The following MTAP variants were observed in gnomAD, a reference collection of about 807,000 sequenced individuals.
MTAP encodes the protein S-methyl-5'-thioadenosine phosphorylase.
A neutral mutation model predicts 33.6 loss-of-function variants in MTAP; 33 were observed. The ratio of observed to expected loss-of-function variants is 0.98; its 90% CI spans 0.74 to 1.31. The LOEUF is 1.31. MTAP is among the 40% of genes most tolerant of loss of function. The pLI, the probability that MTAP is intolerant of heterozygous loss-of-function variation, is 0.00. For synonymous variants in MTAP, 148 were observed against 125.7 expected (o/e 1.18, Z -1.19); for missense variants, 367 against 360.0 (o/e 1.02, Z -0.16).
intron 5 of MTAP, among the ~76,000 whole-genome samples, chr9:21,849,438 G>T (rs763889605): frequency 6.6e-6 from 1 of 152,144 alleles, no homozygotes; most frequent in African/African-American, 2.4e-5. Flanking sequence ...CAGGTCTGAC[G>T]TGCAGTGGGT....
At chr9:21,900,463 G>T (rs1288380248) in intron 1 of MTAP, among the ~76,000 whole-genome samples, 1 of 152,120 alleles carries the variant, frequency 6.6e-6, no homozygotes, top group Non-Finnish European at 1.5e-5. Flanking sequence ...AAGCCACAAT[G>T]AAATACCATA....
At chr9:21,804,617 C>T (rs974984670) in intron 1 of MTAP, among the ~76,000 whole-genome samples, 4 of 152,160 alleles carry the variant, frequency 2.6e-5, no homozygotes, top group African/African-American at 7.2e-5. Context: ...CCGTATTCCC[C>T]AGACTTCTAA....
chr9:21,877,618 T>C (rs1219950643), intron 1 of MTAP, among the ~76,000 whole-genome samples: 1 of 152,214 alleles, frequency 6.6e-6, no homozygotes, highest in African/African-American at 2.4e-5. Context: ...GAAGTAATAG[T>C]GTGGGTTTTA....
chr9:21,871,572 C>T (rs1332312837), downstream of MTAP, among the ~76,000 whole-genome samples: 1 of 152,138 alleles, frequency 6.6e-6, no homozygotes, highest in African/African-American at 2.4e-5. Flanking sequence ...TCGGACATTA[C>T]CTTTCATATA....
chr9:21,923,039 C>A (rs371811216), intron 1 of MTAP, among the ~76,000 whole-genome samples: 2 of 152,212 alleles, frequency 1.3e-5, no homozygotes, highest in African/African-American at 4.8e-5. Context: ...CACTGTCTAC[C>A]TCAGGGGCAA....
At chr9:21,891,892 T>C (rs1466395873) in intron 1 of MTAP, among the ~76,000 whole-genome samples, 1 of 152,128 alleles carries the variant, frequency 6.6e-6, no homozygotes, top group Non-Finnish European at 1.5e-5. Context: ...GGAAGGTCAC[T>C]GACAAAGGGA....
chr9:21,876,184 C>T (rs1826005602), intron 1 of MTAP, among the ~76,000 whole-genome samples: 1 of 151,828 alleles, frequency 6.6e-6, no homozygotes, highest in African/African-American at 2.4e-5. Flanking sequence ...TAGAAAAGTG[C>T]CTGTTCATAT....
At chr9:21,844,726 A>G (rs1041793653) in intron 5 of MTAP, among the ~76,000 whole-genome samples, 4 of 152,192 alleles carry the variant, frequency 2.6e-5, no homozygotes, top group Non-Finnish European at 4.4e-5. Flanking sequence ...GAAGGGACGT[A>G]CCTCAAGGTA....
At chr9:21,825,161 A>G (rs1043359351) in intron 4 of MTAP, among the ~76,000 whole-genome samples, 5 of 152,156 alleles carry the variant, frequency 3.3e-5, no homozygotes, top group Admixed American at 1.3e-4. Flanking sequence ...CCTAAGTTGG[A>G]AATACAGAAA....
intron 1 of MTAP, among the ~76,000 whole-genome samples, chr9:21,872,928 G>C (rs1825957705): frequency 1.3e-5 from 2 of 152,128 alleles, no homozygotes. Flanking sequence ...GTTCATGCCT[G>C]GTAAGGATCA....
At chr9:21,884,410 G>C (rs1050713157) in intron 1 of MTAP, among the ~76,000 whole-genome samples, 3 of 152,118 alleles carry the variant, frequency 2.0e-5, no homozygotes, top group African/African-American at 7.2e-5. Flanking sequence ...CAACAATATG[G>C]CTGAACCTTT....
Position 21,863,680 on chromosome 9 carries a change from G to T in MTAP, c.*1666G>T, listed in dbSNP as rs1308608872. ...TTGCTTCAGTTTTTTATCATGGGGAGATCTTTTTCCTCAGAATTGTTTTCT... is the reference window on the plus strand; with the variant it reads ...TTGCTTCAGTTTTTTATCATGGGGATATCTTTTTCCTCAGAATTGTTTTCT... On this transcript the variant is annotated 3_prime_UTR_variant, in exon 8 of 8. Transcript: ENST00000644715. The T allele has an allele frequency of 4.1e-6, 4 of 985,488 alleles. No homozygotes were observed. Among genetic ancestry groups the T allele is most frequent in the Admixed American group, 6.2e-5 (1 of 16,222 alleles). 61.0% of individuals were successfully genotyped at this position (985,488 alleles called of 1,614,324 possible).
chr9:21,890,823 C>G (rs1442986134), intron 1 of MTAP, among the ~76,000 whole-genome samples: 5 of 152,048 alleles, frequency 3.3e-5, no homozygotes, highest in African/African-American at 7.3e-5. Flanking sequence ...CAGTGGCAAG[C>G]TGTTTCCTTC....
intron 4 of MTAP, among the ~76,000 whole-genome samples, chr9:21,822,706 A>G (rs2118124335): frequency 6.6e-6 from 1 of 152,274 alleles, no homozygotes; most frequent in South Asian, 2.1e-4. Flanking sequence ...TGTCTCGTTG[A>G]TCTGTCTAAT....
chr9:21,874,865 C>T (rs945961159), intron 1 of MTAP, among the ~76,000 whole-genome samples: 24 of 151,988 alleles, frequency 1.6e-4, no homozygotes, highest in African/African-American at 5.8e-4. Context: ...CCCTGACAGG[C>T]CCCGGTATGT....
chr9:21,862,044 A>G lies in MTAP; in HGVS notation c.*30A>G, dbSNP rs370980390. The G allele has an allele frequency of 2.5e-6, 4 of 1,611,760 alleles. No homozygotes were observed. The African/African-American group carries it at 5.3e-5, about 22-fold the overall frequency. On this transcript the variant is annotated 3_prime_UTR_variant, in exon 8 of 8. Coordinates refer to ENST00000644715, the MANE Select transcript of MTAP (RefSeq NM_002451.4). ...GCATGGCTGCCCAGGAGAAAAGAAGACATTCTAATTCCAGTCATTTTGGGA... is the reference window on the plus strand; with the variant it reads ...GCATGGCTGCCCAGGAGAAAAGAAGGCATTCTAATTCCAGTCATTTTGGGA...
At chr9:21,869,877 A>G (rs375355527), downstream of MTAP, among the ~76,000 whole-genome samples, 4 of 149,082 alleles carry the variant, frequency 2.7e-5, no homozygotes, top group African/African-American at 9.8e-5. Flanking sequence ...ACAAAATGCT[A>G]TTTCACTTGT....
At chr9:21,811,342 A>T (rs1824341859) in intron 1 of MTAP, among the ~76,000 whole-genome samples, 1 of 152,226 alleles carries the variant, frequency 6.6e-6, no homozygotes, top group Non-Finnish European at 1.5e-5. Context: ...CACCCTTTCC[A>T]CATTGCTAGA....
At chr9:21,906,458 G>A (rs571528205) in intron 1 of MTAP, among the ~76,000 whole-genome samples, 1 of 152,182 alleles carries the variant, frequency 6.6e-6, no homozygotes, top group South Asian at 2.1e-4. Context: ...CACGAGAGGA[G>A]AGAGGAGGAG....
Sources: gnomAD v4.1 joint callset for allele counts (sites outside exome capture counted in the v4.1 genomes callset) on GRCh38, gnomAD v4.1.1 for gene constraint, MANE v1.5 for transcripts, NCBI Gene and HGNC (gene_info 2026-07-23, HGNC 2026-07-21) for gene names.